Variants in DPP10 observed in about 807,000 individuals in gnomAD.
DPP10 encodes the protein dipeptidyl peptidase like 10.
DPP10 carries 33 observed loss-of-function variants against 120.9 expected under a neutral mutation model. The ratio of observed to expected loss-of-function variants is 0.27; its 90% CI spans 0.21 to 0.37. DPP10 has a LOEUF of 0.37. DPP10 is among the 10% of genes least tolerant of loss of function. The pLI is 1.00. For missense variants in DPP10, 816 were observed against 942.8 expected (o/e 0.87, Z 1.76); for synonymous variants, 337 against 326.1 (o/e 1.03, Z -0.36).
chr2:115,795,328 G>C (rs753718972), intron 19 of DPP10, among the ~76,000 whole-genome samples: 4 of 152,062 alleles, frequency 2.6e-5, no homozygotes, highest in African/African-American at 9.7e-5. Context: ...TGCCACACTC[G>C]TTAAAGGTCT....
At chr2:114,825,590 C>T (rs536752231) in intron 1 of DPP10, among the ~76,000 whole-genome samples, 3 of 152,270 alleles carry the variant, frequency 2.0e-5, no homozygotes, top group East Asian at 1.9e-4. Flanking sequence ...AGGCATAAAC[C>T]GAAAGGATGC....
At chr2:115,089,224 C>T (rs1709039037) in intron 1 of DPP10, among the ~76,000 whole-genome samples, 1 of 152,108 alleles carries the variant, frequency 6.6e-6, no homozygotes. Flanking sequence ...TCGCATTGAT[C>T]ATTTCTTTCT....
At chr2:115,086,960 A>G (rs1265276052) in intron 1 of DPP10, among the ~76,000 whole-genome samples, 1 of 152,146 alleles carries the variant, frequency 6.6e-6, no homozygotes, top group Admixed American at 6.5e-5. Context: ...ATATACTATA[A>G]TATCTTCCAA....
intron 1 of DPP10, among the ~76,000 whole-genome samples, chr2:115,278,115 G>A (rs1276270974): frequency 6.6e-6 from 1 of 152,188 alleles, no homozygotes; most frequent in Admixed American, 6.5e-5. Context: ...GGGCATGTCA[G>A]TTTTTCTTTC....
At chr2:115,000,328 A>C (rs1424335548) in intron 1 of DPP10, among the ~76,000 whole-genome samples, 1 of 152,278 alleles carries the variant, frequency 6.6e-6, no homozygotes, top group Admixed American at 6.5e-5. Flanking sequence ...CGCATAAAAA[A>C]TTGGGGGGAC....
chr2:114,679,113 C>T (rs1038540534), intron 1 of DPP10, among the ~76,000 whole-genome samples: 7 of 151,956 alleles, frequency 4.6e-5, no homozygotes, highest in African/African-American at 1.7e-4. Context: ...CTGATTACAC[C>T]CCAGTGGTTC....
chr2:115,161,622 C>A, intron 1 of DPP10: 1 of 217,542 alleles, frequency 4.6e-6, no homozygotes, highest in Non-Finnish European at 9.0e-6. Flanking sequence ...GAGGCGTCGC[C>A]GCAGCTCGGT....
intron 1 of DPP10, among the ~76,000 whole-genome samples, chr2:115,106,202 G>A (rs571137751): frequency 1.3e-5 from 2 of 152,332 alleles, no homozygotes; most frequent in East Asian, 1.9e-4. Flanking sequence ...ACTTTGAACA[G>A]TGATTGTGTG....
At chr2:115,514,039 C>A (rs539946439) in intron 4 of DPP10, among the ~76,000 whole-genome samples, 1 of 152,016 alleles carries the variant, frequency 6.6e-6, no homozygotes, top group Admixed American at 6.6e-5. Context: ...ATATAGAATT[C>A]TTTGTTGACA....
In DPP10 at chr2:115,535,858, T is replaced by G. The variant is rs1238299015; in HGVS notation, c.441+9886T>G. Among the ~76,000 whole-genome samples the G allele has an allele frequency of 2.6e-5, 4 of 152,044 alleles. No individual in the cohort carries two copies. In the East Asian group the frequency reaches 7.8e-4, roughly 30 times the overall value. ...CTTGTAAGTTGGATTCCTAGGTATT[T>G]TATTCTCTTTGAAGCAATTGTGAAT... On this transcript the variant is annotated intron_variant, in intron 5 of 25. Coordinates refer to ENST00000410059, the MANE Select transcript of DPP10 (RefSeq NM_020868.6).
chr2:115,691,340 G>A (rs1284035711), intron 7 of DPP10, among the ~76,000 whole-genome samples: 1 of 152,062 alleles, frequency 6.6e-6, no homozygotes, highest in East Asian at 1.9e-4. Flanking sequence ...AATTTTTCAA[G>A]TGGGCCTTCC....
At chr2:115,570,376 G>T (rs115550648) in intron 5 of DPP10, among the ~76,000 whole-genome samples, 4 of 152,138 alleles carry the variant, frequency 2.6e-5, no homozygotes, top group Admixed American at 2.0e-4. Context: ...AGTTTTAATG[G>T]CACACTTGTA....
intron 1 of DPP10, among the ~76,000 whole-genome samples, chr2:114,798,567 G>C (rs1264620678): frequency 6.6e-6 from 1 of 152,096 alleles, no homozygotes; most frequent in African/African-American, 2.4e-5. Context: ...CACATCTTAT[G>C]ATTGCATCTG....
chr2:115,585,114 T>C (rs1417444276), intron 5 of DPP10, among the ~76,000 whole-genome samples: 1 of 152,176 alleles, frequency 6.6e-6, no homozygotes, highest in Non-Finnish European at 1.5e-5. Flanking sequence ...GTGACAGAAA[T>C]TGGTAGTTAA....
chr2:115,093,492 A>G (rs1709452868), intron 1 of DPP10, among the ~76,000 whole-genome samples: 1 of 152,248 alleles, frequency 6.6e-6, no homozygotes, highest in Non-Finnish European at 1.5e-5. Flanking sequence ...AATGAATGAT[A>G]GTTATGTAAA....
intron 1 of DPP10, among the ~76,000 whole-genome samples, chr2:114,732,282 T>C (rs540079157): frequency 5.4e-4 from 83 of 152,298 alleles, no homozygotes; most frequent in Admixed American, 1.4e-3. Context: ...ACGACTACAA[T>C]TTAGTCATAT....
chr2:114,869,935 C>T (rs528826761), intron 1 of DPP10, among the ~76,000 whole-genome samples: 63 of 152,250 alleles, frequency 4.1e-4, no homozygotes, highest in Middle Eastern at 3.4e-3. Flanking sequence ...ATATAAAAGG[C>T]TTGTATTTAC....
intron 5 of DPP10, among the ~76,000 whole-genome samples, chr2:115,534,754 A>G (rs1326407923): frequency 6.7e-6 from 1 of 150,226 alleles, no homozygotes; most frequent in Non-Finnish European, 1.5e-5. Context: ...CTATTTCTCC[A>G]CATCCTCTCC....
In DPP10 at chr2:115,842,294, T is replaced by C. The variant is rs1026536863; in HGVS notation, c.2340T>C (p.Cys780=). Residue 780 remains cysteine, a synonymous_variant, in exon 26 of 26, where the codon TGT becomes TGC. Coordinates refer to ENST00000410059, the MANE Select transcript of DPP10 (RefSeq NM_020868.6). The part of the protein sequence containing the change: ...YSTILKFFSD[C]LKEEISVLPQ... ...CAATCCTCAAATTCTTCAGTGATTG[T>C]TTGAAGGAAGAAATATCTGTGCTAC... 5.6e-6 allele frequency: 9 copies of C among 1,613,854 alleles called. No homozygotes were observed. Among genetic ancestry groups the C allele is most frequent in the Middle Eastern group, 1.6e-4 (1 of 6,084 alleles).
Sources: gnomAD v4.1 joint callset for allele counts (sites outside exome capture counted in the v4.1 genomes callset) on GRCh38, gnomAD v4.1.1 for gene constraint, MANE v1.5 for transcripts, NCBI Gene and HGNC (gene_info 2026-07-23, HGNC 2026-07-21) for gene names.